The following KCND2 variants were observed in gnomAD, a reference collection of about 807,000 sequenced individuals.
KCND2 encodes the protein potassium voltage-gated channel subfamily D member 2, also known as A-type voltage-gated potassium channel KCND2.
KCND2 carries 16 observed loss-of-function variants against 54.4 expected under a neutral mutation model. The observed-to-expected ratio is 0.29, with a 90% CI of 0.20 to 0.45. The LOEUF (loss-of-function observed/expected upper bound fraction) is 0.45. KCND2 is among the 20% of genes least tolerant of loss of function. KCND2 has a pLI of 1.00. For missense variants in KCND2, 486 were observed against 824.2 expected (o/e 0.59, Z 5.02); for synonymous variants, 317 against 310.7 (o/e 1.02, Z -0.21).
intron 1 of KCND2, among the ~76,000 whole-genome samples, chr7:120,639,447 C>A (rs1301968948): frequency 6.6e-6 from 1 of 152,168 alleles, no homozygotes; most frequent in Non-Finnish European, 1.5e-5. Context: ...TCTGTCCCTT[C>A]ATTTTAAAAT....
intron 1 of KCND2, among the ~76,000 whole-genome samples, chr7:120,670,798 C>A (rs548077382): frequency 2.6e-5 from 4 of 151,762 alleles, no homozygotes; most frequent in Non-Finnish European, 4.4e-5. Flanking sequence ...TGCCTGTAGT[C>A]CCAGCTACTC....
intron 1 of KCND2, among the ~76,000 whole-genome samples, chr7:120,709,292 CTT>C (rs1204848277): frequency 6.6e-6 from 1 of 152,076 alleles, no homozygotes; most frequent in African/African-American, 2.4e-5. Flanking sequence ...TACCACTTAT[CTT>C]TATGTTGTGT....
At chr7:120,511,300 A>C (rs932406221) in intron 1 of KCND2, among the ~76,000 whole-genome samples, 2 of 151,990 alleles carry the variant, frequency 1.3e-5, no homozygotes, top group African/African-American at 4.8e-5. Flanking sequence ...TTTTTCCCCA[A>C]AAGACTTAAC....
intron 1 of KCND2, among the ~76,000 whole-genome samples, chr7:120,357,287 A>G (rs1432523277): frequency 1.3e-5 from 2 of 152,142 alleles, no homozygotes; most frequent in African/African-American, 4.8e-5. Context: ...CAATATATAC[A>G]GTTACTAATT....
intron 1 of KCND2, among the ~76,000 whole-genome samples, chr7:120,335,460 CTTACTTACTTAT>C (rs764353160): frequency 0.086 from 11,640 of 136,018 alleles, 550 homozygotes; most frequent in Admixed American, 0.12. Flanking sequence ...TATTTATTTA[CTTACTTACTTAT>C]TTATTTATTT....
intron 1 of KCND2, among the ~76,000 whole-genome samples, chr7:120,651,391 C>T (rs753440612): frequency 1.3e-5 from 2 of 152,130 alleles, no homozygotes; most frequent in African/African-American, 2.4e-5. Flanking sequence ...GAGTGAGGCT[C>T]CATGGGCGTG....
chr7:120,561,800 C>T (rs949669339), intron 1 of KCND2, among the ~76,000 whole-genome samples: 4 of 151,670 alleles, frequency 2.6e-5, no homozygotes, highest in Admixed American at 2.0e-4. Flanking sequence ...TTAGTAGAGA[C>T]GGGGCTTCAC....
chr7:120,540,103 C>T (rs1791962054), intron 1 of KCND2, among the ~76,000 whole-genome samples: 1 of 152,036 alleles, frequency 6.6e-6, no homozygotes, highest in Non-Finnish European at 1.5e-5. Context: ...TAACATGTTG[C>T]CTAGGCTGGT....
chr7:120,454,248 G>T (rs1802162035), intron 1 of KCND2, among the ~76,000 whole-genome samples: 1 of 151,874 alleles, frequency 6.6e-6, no homozygotes, highest in South Asian at 2.1e-4. Flanking sequence ...AAAATCCATA[G>T]GAAAGATCAT....
At chr7:120,342,671 T>G (rs561160800) in intron 1 of KCND2, among the ~76,000 whole-genome samples, 82 of 152,270 alleles carry the variant, frequency 5.4e-4, no homozygotes, top group African/African-American at 1.8e-3. Flanking sequence ...TTAAAATGTG[T>G]GGATATATAA....
chr7:120,523,435 A>G (rs1383591343), intron 1 of KCND2, among the ~76,000 whole-genome samples: 1 of 150,470 alleles, frequency 6.6e-6, no homozygotes, highest in East Asian at 1.9e-4. Flanking sequence ...ATATTTAGGT[A>G]GTTTTTTAAA....
chr7:120,280,471 G>T (rs1799243953), intron 1 of KCND2, among the ~76,000 whole-genome samples: 1 of 151,952 alleles, frequency 6.6e-6, no homozygotes, highest in South Asian at 2.1e-4. Context: ...TTTTCAGTGG[G>T]TCTGTTATGC....
At chr7:120,496,048 G>A (rs1270737385) in intron 1 of KCND2, among the ~76,000 whole-genome samples, 1 of 152,090 alleles carries the variant, frequency 6.6e-6, no homozygotes, top group African/African-American at 2.4e-5. Flanking sequence ...CAAGTAAGAT[G>A]AGTCATTATC....
intron 1 of KCND2, among the ~76,000 whole-genome samples, chr7:120,658,918 T>C (rs532956295): frequency 1.7e-3 from 253 of 152,290 alleles, no homozygotes; most frequent in Non-Finnish European, 2.8e-3. Context: ...TGTTGAGTAC[T>C]GAGAAAATAA....
chr7:120,310,872 G>T (rs1392437180), intron 1 of KCND2, among the ~76,000 whole-genome samples: 2 of 150,426 alleles, frequency 1.3e-5, no homozygotes, highest in Admixed American at 6.6e-5. Flanking sequence ...GGAGTTGGAG[G>T]TTGCAGTGAG....
intron 1 of KCND2, among the ~76,000 whole-genome samples, chr7:120,609,206 A>C (rs1584852586): frequency 6.6e-6 from 1 of 152,216 alleles, no homozygotes. Context: ...TAGCCTACTA[A>C]GCCGAGGCAA....
intron 1 of KCND2, among the ~76,000 whole-genome samples, chr7:120,445,413 G>A (rs1412534394): frequency 6.6e-6 from 1 of 152,108 alleles, no homozygotes; most frequent in Non-Finnish European, 1.5e-5. Flanking sequence ...ATAATGGTTA[G>A]GAGGACAGTC....
At chr7:120,651,944 A>G (rs546587594) in intron 1 of KCND2, among the ~76,000 whole-genome samples, 7 of 152,222 alleles carry the variant, frequency 4.6e-5, no homozygotes, top group African/African-American at 1.7e-4. Context: ...TTTTTGGTTA[A>G]AAATATGCCT....
At chr7:120,742,805 CTT>C (rs1792959315) in intron 4 of KCND2, among the ~76,000 whole-genome samples, 1 of 152,112 alleles carries the variant, frequency 6.6e-6, no homozygotes, top group Admixed American at 6.6e-5. Context: ...ATTTTAGAAA[CTT>C]ATTTAAAATG....
Sources: allele counts gnomAD v4.1 joint callset (sites outside exome capture counted in the v4.1 genomes callset), GRCh38; gene constraint gnomAD v4.1.1; transcripts MANE v1.5; gene names NCBI Gene and HGNC (gene_info 2026-07-23, HGNC 2026-07-21).